Variants in KIAA2012 observed in about 807,000 individuals in gnomAD.
The protein encoded by KIAA2012 is uncharacterized protein KIAA2012.
Under a neutral mutation model 150.6 loss-of-function variants are expected in KIAA2012, and 125 were observed. The observed-to-expected ratio is 0.83, with a 90% CI of 0.72 to 0.96. The LOEUF (loss-of-function observed/expected upper bound fraction) is 0.96, where lower values mean the gene tolerates loss of function less well. Among genes scored for constraint, KIAA2012 ranks in the 40% least tolerant of loss-of-function variants. The probability of loss-of-function intolerance (pLI) is 0.00; values close to 1 mark genes in which losing one functional copy is unlikely to be tolerated. For missense variants in KIAA2012, 1,219 were observed against 1,354.9 expected (o/e 0.90, Z 1.57); for synonymous variants, 462 against 504.7 (o/e 0.92, Z 1.13).
intron 11 of KIAA2012, among the ~76,000 whole-genome samples, chr2:202,123,731 A>G (rs1690710070): frequency 6.6e-6 from 1 of 152,244 alleles, no homozygotes; most frequent in Admixed American, 6.5e-5. Context: ...TTTGGTGGCT[A>G]GGCAGACTAG....
rs1440511821 is a variant in KIAA2012, at chr2:202,104,018, T to A, written c.1324+904T>A. Among the ~76,000 whole-genome samples, 1 of 152,054 alleles carries A rather than the reference T, an allele frequency of 6.6e-6. No individual in the cohort carries two copies. Among genetic ancestry groups the A allele is most frequent in the Non-Finnish European group, 1.5e-5 (1 of 68,010 alleles). On this transcript the variant is annotated intron_variant, in intron 8 of 23. Transcript: ENST00000498697. The surrounding 1 kb of genome is among the most constrained non-coding windows in gnomAD (Gnocchi z 4.3). ...AGACTGCCACTGGCTTCTTGGAGAGTTTGACTCCTGGGAATCACACAGGCA... is the reference window on the plus strand; with the variant it reads ...AGACTGCCACTGGCTTCTTGGAGAGATTGACTCCTGGGAATCACACAGGCA...
intron 14 of KIAA2012, among the ~76,000 whole-genome samples, chr2:202,164,746 G>A (rs1691724130): frequency 6.6e-6 from 1 of 152,200 alleles, no homozygotes; most frequent in African/African-American, 2.4e-5. Context: ...CTCAAGTCCT[G>A]GAGGTGCCCT....
At chr2:202,132,501 T>C (rs550482346) in intron 12 of KIAA2012, among the ~76,000 whole-genome samples, 1 of 151,496 alleles carries the variant, frequency 6.6e-6, no homozygotes, top group Admixed American at 6.6e-5. Context: ...ACCCCGTCTC[T>C]ACTGAAAATA....
chr2:202,149,236 C>T lies in KIAA2012; in HGVS notation c.1909-5437C>T, dbSNP rs563576488. On this transcript the variant is annotated intron_variant, in intron 13 of 23. Transcript: ENST00000498697. The stretch of plus-strand genomic sequence containing the variant: ...GGGGAGTCAAAGGACAGACTATCAG[C>T]CAACGAGGGGAGCCTGGGGGTCAGA... 1.6e-4 allele frequency among the ~76,000 whole-genome samples: 24 copies of T among 152,268 alleles called. No individual in the cohort carries two copies. In the South Asian group the frequency reaches 2.3e-3, roughly 14 times the overall value.
chr2:202,075,060 C>T lies in KIAA2012; in HGVS notation c.254C>T (p.Pro85Leu). The T allele has an allele frequency of 6.4e-7, 1 of 1,550,512 alleles. No homozygotes were observed. The highest frequency in any genetic ancestry group is 8.7e-7 in the Non-Finnish European group (1 of 1,146,994). The stretch of plus-strand genomic sequence containing the variant: ...GGTTTTGCCATTTCGGCATGGACAC[C>T]CAAAGAGAGGAGAAAAGGCCCCTAC... ...SEGFAISAWT[P>L]KERRKGPYCP... Residue 85 changes from proline (P) to leucine (L), a missense_variant, in exon 2 of 24, where the codon CCC (proline) becomes CTC (leucine). Coordinates refer to ENST00000498697, the MANE Select transcript of KIAA2012 (RefSeq NM_001277372.4).
rs551095514 is a variant in KIAA2012, at chr2:202,122,346, G to A, written c.1763-2868G>A. Among the ~76,000 whole-genome samples the A allele has an allele frequency of 3.9e-5, 6 of 152,334 alleles. No homozygotes were observed. In the East Asian group the frequency reaches 1.2e-3, roughly 29 times the overall value. ...CTGGTGCAAGGCAGTGAGCAGCCAT[G>A]CCTAAAAGGCATGCTCCCTAGGGCC... On this transcript the variant is annotated intron_variant, in intron 11 of 23. Coordinates refer to ENST00000498697, the MANE Select transcript of KIAA2012 (RefSeq NM_001277372.4).
intron 15 of KIAA2012, among the ~76,000 whole-genome samples, chr2:202,165,884 C>G (rs144707713): frequency 1.3e-5 from 2 of 152,142 alleles, no homozygotes; most frequent in Non-Finnish European, 2.9e-5. Flanking sequence ...GGATACCAGA[C>G]AACAATATAT....
chr2:202,104,863 A>T lies in KIAA2012; in HGVS notation c.1325-898A>T, dbSNP rs1045819681. The stretch of plus-strand genomic sequence containing the variant: ...TACACTTAATAAAAAGACAGACAAT[A>T]CTATTCACAAGATTGGGTTCGATCT... On this transcript the variant is annotated intron_variant, in intron 8 of 23. Transcript: ENST00000498697. The surrounding 1 kb of genome is among the most constrained non-coding windows in gnomAD (Gnocchi z 4.3). Among the ~76,000 whole-genome samples, 3 of 152,170 alleles carry T rather than the reference A, an allele frequency of 2.0e-5. No individual in the cohort carries two copies. The highest frequency in any genetic ancestry group is 7.2e-5 in the African/African-American group (3 of 41,408).
At chr2:202,201,561 C>A (rs1267926239) in intron 22 of KIAA2012, 1 of 1,610,228 alleles carries the variant, frequency 6.2e-7, no homozygotes, top group Admixed American at 1.7e-5. Context: ...TGCATCATAC[C>A]CGCCTTCCAC....
intron 16 of KIAA2012, among the ~76,000 whole-genome samples, chr2:202,186,154 T>C (rs950824381): frequency 3.3e-5 from 5 of 152,206 alleles, no homozygotes; most frequent in African/African-American, 7.2e-5. Flanking sequence ...ACAGCAATTC[T>C]ACAATGGATA....
chr2:202,189,712 T>C (rs1302289168), intron 18 of KIAA2012, among the ~76,000 whole-genome samples: 1 of 152,176 alleles, frequency 6.6e-6, no homozygotes, highest in African/African-American at 2.4e-5. Context: ...TTTGTTACAA[T>C]GCAGATTCCC....
intron 2 of KIAA2012, among the ~76,000 whole-genome samples, chr2:202,090,391 C>T (rs1002240331): frequency 1.3e-5 from 2 of 152,210 alleles, no homozygotes; most frequent in African/African-American, 2.4e-5. Flanking sequence ...ACATTGAATG[C>T]CAATGCAGAT....
chr2:202,149,229 C>T (rs1156968070), intron 13 of KIAA2012, among the ~76,000 whole-genome samples: 2 of 152,132 alleles, frequency 1.3e-5, no homozygotes, highest in Non-Finnish European at 2.9e-5. Context: ...AAAGGACAGA[C>T]TATCAGCCAA....
At chr2:202,158,236 C>T (rs967199693) in intron 14 of KIAA2012, among the ~76,000 whole-genome samples, 5 of 152,022 alleles carry the variant, frequency 3.3e-5, no homozygotes, top group African/African-American at 7.2e-5. Flanking sequence ...CCTCGCAATC[C>T]GCCTGTCTCA....
chr2:202,096,595 T>C (rs554840589), intron 4 of KIAA2012, among the ~76,000 whole-genome samples: 83 of 152,276 alleles, frequency 5.5e-4, no homozygotes, highest in Non-Finnish European at 1.0e-3. Flanking sequence ...TGAGGCTGGC[T>C]GGAGGCAGGA....
chr2:202,135,086 T>G (rs895291073), intron 12 of KIAA2012, among the ~76,000 whole-genome samples: 4 of 152,242 alleles, frequency 2.6e-5, no homozygotes, highest in African/African-American at 9.6e-5. Flanking sequence ...TAAAACTGCC[T>G]GATTATCTGG....
At chr2:202,174,574 A>G (rs1031950661) in intron 15 of KIAA2012, among the ~76,000 whole-genome samples, 1 of 152,242 alleles carries the variant, frequency 6.6e-6, no homozygotes, top group African/African-American at 2.4e-5. Context: ...AGCACAATTT[A>G]AAAATAGAAT....
chr2:202,092,003 G>C (rs749069097), intron 3 of KIAA2012, among the ~76,000 whole-genome samples: 3 of 152,176 alleles, frequency 2.0e-5, no homozygotes, highest in African/African-American at 7.2e-5. Flanking sequence ...TTTTGAGAAA[G>C]AGCCCCTTAA....
Position 202,184,858 on chromosome 2 carries a change from T to A in KIAA2012, c.2210+15T>A. On this transcript the variant is annotated intron_variant, in intron 16 of 23. Transcript: ENST00000498697. ...GTGCAAAAAGTGTAAGTGTTCAAAG[T>A]TGTAATAACATAGGCTTCTCTGCTT... The A allele has an allele frequency of 6.5e-7, 1 of 1,530,392 alleles. No individual in the cohort carries two copies. The highest frequency in any genetic ancestry group is 8.8e-7 in the Non-Finnish European group (1 of 1,136,888). 94.8% of individuals were successfully genotyped at this position (1,530,392 alleles called of 1,614,324 possible).
Sources: gnomAD v4.1 joint callset for allele counts (sites outside exome capture counted in the v4.1 genomes callset) on GRCh38, gnomAD v4.1.1 for gene constraint, Gnocchi (gnomAD v3.1) non-coding constraint, MANE v1.5 for transcripts, NCBI Gene and HGNC (gene_info 2026-07-23, HGNC 2026-07-21) for gene names.